Variants in ATP8B1 observed in about 807,000 individuals in gnomAD.
The protein encoded by ATP8B1 is ATPase phospholipid transporting 8B1.
ATP8B1 carries 80 observed loss-of-function variants against 149.9 expected under a neutral mutation model. The ratio of observed to expected loss-of-function variants is 0.53; its 90% CI spans 0.45 to 0.64. ATP8B1 has a LOEUF of 0.64. Among genes scored for constraint, ATP8B1 ranks in the 30% least tolerant of loss-of-function variants. The probability of loss-of-function intolerance (pLI) is 0.00; values close to 1 mark genes in which losing one functional copy is unlikely to be tolerated. For missense variants in ATP8B1, 1,247 were observed against 1,552.6 expected, an observed-to-expected ratio of 0.80 and a Z score of 3.31; for synonymous variants, 536 against 562.8, an observed-to-expected ratio of 0.95 and a Z score of 0.67.
intron 2 of ATP8B1, among the ~76,000 whole-genome samples, chr18:57,714,174 T>A (rs1175687839): frequency 6.6e-6 from 1 of 152,104 alleles, no homozygotes; most frequent in Non-Finnish European, 1.5e-5. Flanking sequence ...GTGGTGGTGG[T>A]GGACATGGGG....
intron 20 of ATP8B1, among the ~76,000 whole-genome samples, chr18:57,666,306 A>G (rs1323680503): frequency 6.6e-6 from 1 of 152,182 alleles, no homozygotes; most frequent in Non-Finnish European, 1.5e-5. Context: ...ATATGCTAAC[A>G]TTTGAATTAT....
At chr18:57,708,243 A>G (rs1913515802) in intron 2 of ATP8B1, among the ~76,000 whole-genome samples, 1 of 151,902 alleles carries the variant, frequency 6.6e-6, no homozygotes, top group Non-Finnish European at 1.5e-5. Context: ...TAAAGCCACA[A>G]TATCACTATT....
chr18:57,753,547 C>T (rs1288033833), intron 1 of ATP8B1, among the ~76,000 whole-genome samples: 1 of 152,236 alleles, frequency 6.6e-6, no homozygotes, highest in African/African-American at 2.4e-5. Flanking sequence ...GAAGGGAACA[C>T]ATGCTTTATG....
At chr18:57,665,787 G>A (rs1420538341) in intron 20 of ATP8B1, among the ~76,000 whole-genome samples, 3 of 151,926 alleles carry the variant, frequency 2.0e-5, no homozygotes, top group African/African-American at 7.3e-5. Flanking sequence ...TCCTGACCTC[G>A]TGATCCACCC....
intron 22 of ATP8B1, among the ~76,000 whole-genome samples, chr18:57,656,387 CTTTT>C (rs11289944): frequency 1.5e-5 from 2 of 137,188 alleles, no homozygotes; most frequent in Non-Finnish European, 3.1e-5. Context: ...CTTTCTCTCT[CTTTT>C]TTTTTTTTTT....
intron 1 of ATP8B1, among the ~76,000 whole-genome samples, chr18:57,763,363 G>A (rs2080174954): frequency 6.6e-6 from 1 of 151,298 alleles, no homozygotes; most frequent in Non-Finnish European, 1.5e-5. Flanking sequence ...CAGCACTCCA[G>A]CCTGGGCAAG....
chr18:57,769,392 C>T (rs1221495177), intron 1 of ATP8B1, among the ~76,000 whole-genome samples: 1 of 152,152 alleles, frequency 6.6e-6, no homozygotes, highest in Non-Finnish European at 1.5e-5. Flanking sequence ...TCTAGGTATG[C>T]CCGTGCGCCT....
At chr18:57,686,213 G>A (rs149164782) in intron 13 of ATP8B1, among the ~76,000 whole-genome samples, 2,205 of 146,176 alleles carry the variant, frequency 0.015, 28 homozygotes, top group Non-Finnish European at 0.025. Context: ...GCAGTGAGCT[G>A]AGATCGCACC....
intron 1 of ATP8B1, among the ~76,000 whole-genome samples, chr18:57,749,268 A>G (rs2079993917): frequency 6.6e-6 from 1 of 152,244 alleles, no homozygotes; most frequent in African/African-American, 2.4e-5. Flanking sequence ...CCTACCCCAC[A>G]AAGGCAAGTA....
chr18:57,695,392 T>C, intron 9 of ATP8B1, 58 bp downstream of exon 9: 2 of 1,589,812 alleles, frequency 1.3e-6, no homozygotes, highest in South Asian at 2.2e-5. Context: ...TTTTAATCAA[T>C]AGGAATTGAA....
intron 1 of ATP8B1, among the ~76,000 whole-genome samples, chr18:57,753,253 A>G: frequency 6.6e-6 from 1 of 152,262 alleles, no homozygotes; most frequent in East Asian, 1.9e-4. Context: ...AAGTGAAACA[A>G]ACCACATTTC....
At chr18:57,732,129 G>GTGTATATATGTGTATATATGTATA (rs1568043898) in intron 1 of ATP8B1, 6 of 41,452 alleles carry the variant, frequency 1.4e-4, no homozygotes, top group South Asian at 7.4e-4. Flanking sequence ...ATATATATGT[G>GTGTATATATGTGTATATATGTATA]TATATGTATA....
intron 23 of ATP8B1, among the ~76,000 whole-genome samples, chr18:57,654,295 A>G (rs1909838941): frequency 6.7e-6 from 1 of 148,710 alleles, no homozygotes; most frequent in Non-Finnish European, 1.5e-5. Flanking sequence ...GCAAAACTCT[A>G]TGCACCTGGC....
intron 6 of ATP8B1, among the ~76,000 whole-genome samples, chr18:57,700,700 C>T (rs1225213819): frequency 6.6e-6 from 1 of 152,090 alleles, no homozygotes; most frequent in Non-Finnish European, 1.5e-5. Context: ...AGGAGGATAA[C>T]TTGAGGTCAG....
At chr18:57,668,691 A>AGGCTGCCATGTT in intron 18 of ATP8B1, 151 bp from the exon 19 acceptor site, 1 of 590,134 alleles carries the variant, frequency 1.7e-6, no homozygotes, top group South Asian at 2.2e-5. Context: ...TTAACAGGGA[A>AGGCTGCCATGTT]GGCTGCCATG....
intron 1 of ATP8B1, among the ~76,000 whole-genome samples, chr18:57,767,390 C>T (rs997023740): frequency 6.6e-6 from 1 of 152,182 alleles, no homozygotes; most frequent in Non-Finnish European, 1.5e-5. Flanking sequence ...TGGCCACGAG[C>T]CATGTGTGGC....
rs1315009056 is a variant in ATP8B1, at chr18:57,721,390, G to C, written c.181+10237C>G. ...AGACACACACAGGCTCAAAATAAAA[G>C]GATGGAGGAAGATCTACCAAGCAAA... On this transcript the variant is annotated intron_variant, in intron 2 of 27. Transcript: ENST00000648908. 3.4e-5 allele frequency among the ~76,000 whole-genome samples: 5 copies of C among 146,364 alleles called. No individual in the cohort carries two copies. The East Asian group carries it at 6.2e-4, about 18-fold the overall frequency.
rs1887629396 is a variant in ATP8B1 at position 57,681,588 on chromosome 18, A to G, written c.1630+2448T>C. On this transcript the variant is annotated intron_variant, in intron 15 of 27. Transcript: ENST00000648908. ...GGTTGAGGTGGGCAGATCACCTGAA[A>G]TCAGGAGTTGGAGACCAGCCTGGCC... Among the ~76,000 whole-genome samples the G allele has an allele frequency of 2.6e-5, 4 of 152,020 alleles. 1 individual carries two copies. The highest frequency in any genetic ancestry group is 5.9e-5 in the Non-Finnish European group (4 of 68,014).
chr18:57,700,304 CAT>C (rs1913055852), intron 6 of ATP8B1, among the ~76,000 whole-genome samples: 1 of 151,906 alleles, frequency 6.6e-6, no homozygotes, highest in Non-Finnish European at 1.5e-5. Context: ...GGGGCATAAA[CAT>C]ATATTTAAAA....
Sources: gnomAD v4.1 joint callset for allele counts (sites outside exome capture counted in the v4.1 genomes callset) on GRCh38, gnomAD v4.1.1 for gene constraint, MANE v1.5 for transcripts, NCBI Gene and HGNC (gene_info 2026-07-23, HGNC 2026-07-21) for gene names.